Variants in TANC2 observed in about 807,000 individuals in gnomAD.
TANC2 encodes tetratricopeptide repeat, ankyrin repeat and coiled-coil containing 2.
A neutral mutation model predicts 210.5 loss-of-function variants in TANC2; 26 were observed. The observed-to-expected ratio is 0.12, with a 90% confidence interval of 0.09 to 0.17. TANC2 has a LOEUF of 0.17. Ranked by LOEUF, TANC2 falls within the 10% of genes least tolerant of loss-of-function variation. The pLI, the probability that TANC2 is intolerant of heterozygous loss-of-function variation, is 1.00. For synonymous variants in TANC2, 931 were observed against 967.1 expected, an observed-to-expected ratio of 0.96 and a Z score of 0.69; for missense variants, 2,129 against 2,608.9, an observed-to-expected ratio of 0.82 and a Z score of 4.01.
chr17:63,193,489 C>A (rs1209047736), intron 5 of TANC2, among the ~76,000 whole-genome samples: 1 of 152,084 alleles, frequency 6.6e-6, no homozygotes, highest in African/African-American at 2.4e-5. Context: ...ACTGAATATC[C>A]TAAATAATAG....
chr17:63,001,223 A>G (rs1049930158), intron 1 of TANC2, among the ~76,000 whole-genome samples: 39 of 152,304 alleles, frequency 2.6e-4, no homozygotes, highest in African/African-American at 8.9e-4. Flanking sequence ...GTAAGCCTAG[A>G]ATATTCTTGG....
intron 4 of TANC2, among the ~76,000 whole-genome samples, chr17:63,145,148 C>CT (rs2039423754): frequency 6.6e-6 from 1 of 152,024 alleles, no homozygotes; most frequent in Non-Finnish European, 1.5e-5. Context: ...CAGGATGTTG[C>CT]TTATGTCACC....
chr17:63,074,706 G>T (rs183036745), intron 3 of TANC2, among the ~76,000 whole-genome samples: 31 of 152,212 alleles, frequency 2.0e-4, no homozygotes, highest in African/African-American at 7.2e-4. Flanking sequence ...GTTCACTGCT[G>T]TATCCTTATG....
At chr17:63,043,373 C>G (rs967960425) in intron 2 of TANC2, among the ~76,000 whole-genome samples, 26 of 152,002 alleles carry the variant, frequency 1.7e-4, no homozygotes, top group African/African-American at 5.8e-4. Context: ...GCATATAAAC[C>G]CATACATAAT....
At chr17:63,370,191 T>G (rs1171540814) in intron 14 of TANC2, among the ~76,000 whole-genome samples, 1 of 150,900 alleles carries the variant, frequency 6.6e-6, no homozygotes, top group Admixed American at 6.6e-5. Flanking sequence ...TCTTTTTTTT[T>G]TTTTTGAGAC....
At position 63,421,000 on chromosome 17, in the gene TANC2, C is replaced by T. The variant is rs752778741; in HGVS notation, c.5270C>T (p.Pro1757Leu). ...GGGGGAATCGTAGGGGATGGAAGGC[C>T]GGTGCAGCATGTCCAAGCCAGCCTG... is the stretch of plus-strand genomic sequence containing the variant. The change falls in exon 28 of 28, where the codon CCG (proline) becomes CTG (leucine). Residue 1757 changes from proline to leucine, a missense_variant. Transcript: ENST00000689528. This position sits in a 1 kb window ranked among gnomAD's most constrained non-coding sequence, Gnocchi z 4.2. The T allele has an allele frequency of 3.3e-5, 53 of 1,613,818 alleles. No individual in the cohort carries two copies. Among genetic ancestry groups the T allele is most frequent in the African/African-American group, 6.7e-5 (5 of 74,892 alleles).
At chr17:63,042,469 G>A (rs983499507) in intron 2 of TANC2, among the ~76,000 whole-genome samples, 2 of 152,046 alleles carry the variant, frequency 1.3e-5, no homozygotes, top group Non-Finnish European at 2.9e-5. Context: ...AAAATGGCTG[G>A]CAAGGATTAC....
At chr17:63,067,556 T>C (rs2144599831) in intron 2 of TANC2, among the ~76,000 whole-genome samples, 1 of 151,982 alleles carries the variant, frequency 6.6e-6, no homozygotes, top group Middle Eastern at 3.4e-3. Flanking sequence ...CAAGCAATCA[T>C]GTGAACCTTC....
chr17:63,304,071 G>A (rs2044815491), intron 9 of TANC2, among the ~76,000 whole-genome samples: 1 of 151,994 alleles, frequency 6.6e-6, no homozygotes, highest in Non-Finnish European at 1.5e-5. Context: ...CCCACCTTCT[G>A]AAGCCCACTT....
intron 17 of TANC2, chr17:63,390,789 T>C (rs1276704986): frequency 1.3e-5 from 2 of 152,238 alleles, no homozygotes; most frequent in Non-Finnish European, 2.9e-5. Context: ...TGTCACTTCA[T>C]ATTCTGATCT....
chr17:62,988,780 A>G (rs554512834), intron 1 of TANC2, among the ~76,000 whole-genome samples: 1 of 152,316 alleles, frequency 6.6e-6, no homozygotes, highest in South Asian at 2.1e-4. Context: ...GATTTTCAAA[A>G]TCAGCACTCA....
At chr17:63,142,887 C>G (rs2039336816) in intron 4 of TANC2, among the ~76,000 whole-genome samples, 1 of 152,058 alleles carries the variant, frequency 6.6e-6, no homozygotes, top group African/African-American at 2.4e-5. Context: ...ATACATTTTT[C>G]TCTTTAAATT....
chr17:62,989,086 G>C (rs1030896416), intron 1 of TANC2, among the ~76,000 whole-genome samples: 1 of 152,050 alleles, frequency 6.6e-6, no homozygotes, highest in Non-Finnish European at 1.5e-5. Context: ...TCTTTCTCTT[G>C]TGATACCTAG....
At chr17:63,064,361 A>G (rs1209101712) in intron 2 of TANC2, among the ~76,000 whole-genome samples, 4 of 152,142 alleles carry the variant, frequency 2.6e-5, no homozygotes, top group Non-Finnish European at 5.9e-5. Context: ...CAGGAGGCTG[A>G]GATGAGAGGA....
At chr17:63,303,577 G>C (rs937310963) in intron 9 of TANC2, among the ~76,000 whole-genome samples, 7 of 151,972 alleles carry the variant, frequency 4.6e-5, no homozygotes, top group Non-Finnish European at 1.0e-4. Flanking sequence ...TGTGTCTTGG[G>C]GTTGATCGTC....
chr17:63,376,162 G>A (rs1042044217), intron 14 of TANC2, among the ~76,000 whole-genome samples: 2 of 151,318 alleles, frequency 1.3e-5, no homozygotes, highest in East Asian at 2.0e-4. Context: ...GGCCGGGTGC[G>A]GTGGCTCACA....
intron 7 of TANC2, among the ~76,000 whole-genome samples, chr17:63,211,057 A>G (rs2041870432): frequency 1.3e-5 from 2 of 152,210 alleles, no homozygotes; most frequent in East Asian, 3.9e-4. Context: ...GCATTGCTTC[A>G]ATGGTCCTCA....
intron 5 of TANC2, among the ~76,000 whole-genome samples, chr17:63,157,328 T>C (rs2039873784): frequency 6.6e-6 from 1 of 152,234 alleles, no homozygotes; most frequent in Non-Finnish European, 1.5e-5. Flanking sequence ...CTCATCACAC[T>C]AACTTTTAGA....
At chr17:63,380,342 C>G (rs140923196) in intron 15 of TANC2, among the ~76,000 whole-genome samples, 6 of 152,316 alleles carry the variant, frequency 3.9e-5, no homozygotes, top group Admixed American at 2.0e-4. Flanking sequence ...TTTAAGAACT[C>G]TATAACATCA....
Sources: gnomAD v4.1 joint callset for allele counts (sites outside exome capture counted in the v4.1 genomes callset) on GRCh38, gnomAD v4.1.1 for gene constraint, Gnocchi (gnomAD v3.1) non-coding constraint, MANE v1.5 for transcripts, NCBI Gene and HGNC (gene_info 2026-07-23, HGNC 2026-07-21) for gene names.